The following ADAT1 variants were observed in gnomAD, a reference collection of about 807,000 sequenced individuals.
ADAT1 encodes adenosine deaminase tRNA specific 1, also known as tRNA-specific adenosine deaminase 1.
ADAT1 carries 58 observed loss-of-function variants against 58.6 expected under a neutral mutation model. The ratio of observed to expected loss-of-function variants is 0.99; its 90% CI spans 0.80 to 1.23. The LOEUF is 1.23. ADAT1 is among the 50% of genes most tolerant of loss of function. The pLI, the probability that ADAT1 is intolerant of heterozygous loss-of-function variation, is 0.00. For synonymous variants in ADAT1, 254 were observed against 220.8 expected (o/e 1.15, Z -1.33); for missense variants, 741 against 608.6 (o/e 1.22, Z -2.29).
intron 8 of ADAT1, among the ~76,000 whole-genome samples, chr16:75,605,820 C>T (rs1396124641): frequency 6.6e-6 from 1 of 151,338 alleles, no homozygotes; most frequent in Non-Finnish European, 1.5e-5. Flanking sequence ...GCCTGTAATC[C>T]CAGCTACTCG....
In ADAT1 at chr16:75,623,075, G is replaced by GC. The variant is rs2081982300; in HGVS notation, c.-695dup. On this transcript the variant is annotated 5_prime_UTR_variant, in exon 1 of 10. Coordinates refer to ENST00000564657, the MANE Select transcript of ADAT1 (RefSeq NM_001324445.2). Reference sequence around the variant, plus strand: ...AGGCCCCGCGCCAGGAGCTCTTCAGGCGCCGGCTGCTGACAGTTCCAGGCG... The same window carrying GC: ...AGGCCCCGCGCCAGGAGCTCTTCAGGCCGCCGGCTGCTGACAGTTCCAGGCG... 1 of 144,156 alleles carries GC rather than the reference G, an allele frequency of 6.9e-6. No individual in the cohort carries two copies. Among genetic ancestry groups the GC allele is most frequent in the Admixed American group, 6.9e-5 (1 of 14,392 alleles). The allele number at this position is 144,156 out of a possible 1,614,324, so 8.9% of individuals were successfully genotyped here.
At chr16:75,618,737 T>C in intron 3 of ADAT1, 97 bp from the exon 4 acceptor site, 1 of 1,420,020 alleles carries the variant, frequency 7.0e-7, no homozygotes, top group Non-Finnish European at 9.6e-7. Flanking sequence ...GCACCCAGGA[T>C]GGTCATGTAG....
At chr16:75,613,133 T>G (rs1201868957) in intron 5 of ADAT1, among the ~76,000 whole-genome samples, 1 of 152,180 alleles carries the variant, frequency 6.6e-6, no homozygotes, top group Non-Finnish European at 1.5e-5. Context: ...CACAATTCCC[T>G]AATAAGAATC....
At position 75,612,111 on chromosome 16, in the gene ADAT1, T is replaced by C. The variant is rs1039563091; in HGVS notation, c.1043+132A>G. 1.4e-5 allele frequency: 15 copies of C among 1,087,268 alleles called. No individual in the cohort carries two copies. The African/African-American group carries it at 1.8e-4, about 13-fold the overall frequency. 67.4% of individuals were successfully genotyped at this position (1,087,268 alleles called of 1,614,324 possible). A position where few individuals can be genotyped will look rare whatever the true frequency, so the allele number is the denominator to read the frequency against. ...GCTAAATGTTCAAATACTTTAATTA[T>C]TTCCTTAAGACAAATTCCTGGAAGT... On this transcript the variant is annotated intron_variant, in intron 6 of 9. Transcript: ENST00000564657.
chr16:75,601,945 A>G (rs2081241986), intron 9 of ADAT1: 2 of 152,196 alleles, frequency 1.3e-5, no homozygotes, highest in African/African-American at 4.8e-5. Flanking sequence ...GGTCTTTGTC[A>G]CCAGTTCCCG....
At chr16:75,619,634 G>T (rs2081863901) in intron 3 of ADAT1, 1 of 455,566 alleles carries the variant, frequency 2.2e-6, no homozygotes, top group Non-Finnish European at 4.4e-6. Context: ...TTGCTTACCA[G>T]GTGCGGTGGC....
Position 75,612,388 on chromosome 16 carries a change from T to C in ADAT1, c.898A>G (p.Ser300Gly). The change falls in exon 6 of 10, where the codon AGT becomes GGT. Residue 300 changes from serine to glycine, a missense_variant. Coordinates refer to ENST00000564657, the MANE Select transcript of ADAT1 (RefSeq NM_001324445.2). ...RGDRTRSMSCSDKMARWNVLG... is the reference protein window; with the variant it reads ...RGDRTRSMSCGDKMARWNVLG... The stretch of plus-strand genomic sequence containing the variant: ...ACGTTCCATCGGGCCATCTTGTCAC[T>C]ACAGGACATGGAGCGTGTTCTGTCT... The C allele has an allele frequency of 6.2e-7, 1 of 1,614,258 alleles. No homozygotes were observed. Among genetic ancestry groups the C allele is most frequent in the Non-Finnish European group, 8.5e-7 (1 of 1,180,044 alleles).
At chr16:75,622,077 G>C (rs924087257) in intron 1 of ADAT1, among the ~76,000 whole-genome samples, 1 of 152,230 alleles carries the variant, frequency 6.6e-6, no homozygotes, top group Non-Finnish European at 1.5e-5. Context: ...TTGAACCCGG[G>C]AGGCGGAGGT....
chr16:75,612,971 A>G lies in ADAT1; in HGVS notation c.425-110T>C, dbSNP rs1204443373. On this transcript the variant is annotated intron_variant, in intron 5 of 9. Transcript: ENST00000564657. The stretch of plus-strand genomic sequence containing the variant: ...AGAAATGCAAACTCTTGGGACCCAC[A>G]GTAGACCTGCTGAATCAGAAACTCC... 3.0e-6 allele frequency: 4 copies of G among 1,333,960 alleles called. No homozygotes were observed. In the African/African-American group the frequency reaches 4.4e-5, roughly 15 times the overall value. The allele number at this position is 1,333,960 out of a possible 1,614,324, so 82.6% of individuals were successfully genotyped here. A position where few individuals can be genotyped will look rare whatever the true frequency, so the allele number is the denominator to read the frequency against.
At position 75,608,845 on chromosome 16, in the gene ADAT1, G is replaced by GC. The variant is rs2081438893; in HGVS notation, c.1186dup (p.Ala396GlyfsTer10). ...CAGGTCTAACCTGGATCTCTTACCTGCCCCACAAGGAACAAGTCGACCTGG... is the reference window on the plus strand; with the variant it reads ...CAGGTCTAACCTGGATCTCTTACCTGCCCCCACAAGGAACAAGTCGACCTGG... On this transcript the variant is annotated frameshift_variant, in exon 7 of 10. Transcript: ENST00000564657. LOFTEE classifies it high-confidence loss of function. The GC allele has an allele frequency of 6.2e-7, 1 of 1,613,238 alleles. No individual in the cohort carries two copies. The highest frequency in any genetic ancestry group is 8.5e-7 in the Non-Finnish European group (1 of 1,179,790).
chr16:75,619,220 G>A (rs1174011140), intron 3 of ADAT1, among the ~76,000 whole-genome samples: 1 of 152,100 alleles, frequency 6.6e-6, no homozygotes, highest in Non-Finnish European at 1.5e-5. Flanking sequence ...AGCTAGAAGA[G>A]GTAAAGACCC....
intron 6 of ADAT1, among the ~76,000 whole-genome samples, chr16:75,609,650 A>G (rs1279748909): frequency 6.6e-6 from 1 of 152,114 alleles, no homozygotes; most frequent in Non-Finnish European, 1.5e-5. Flanking sequence ...AATTTTCATC[A>G]CCCCAGAAAG....
intron 2 of ADAT1, 42 bp from the exon 3 acceptor site, chr16:75,620,376 A>G: frequency 3.1e-6 from 5 of 1,604,768 alleles, no homozygotes; most frequent in Non-Finnish European, 4.3e-6. Flanking sequence ...GAGAAACGGA[A>G]TGTTCCCCGG....
chr16:75,619,819 G>C (rs2081873765), intron 3 of ADAT1: 1 of 333,928 alleles, frequency 3.0e-6, no homozygotes, highest in South Asian at 2.2e-5. Flanking sequence ...AACCCAGGAA[G>C]GGGAGGTTGC....
At chr16:75,608,681 C>A (rs951129667) in intron 7 of ADAT1, among the ~76,000 whole-genome samples, 162 bp downstream of exon 7, 1 of 152,162 alleles carries the variant, frequency 6.6e-6, no homozygotes, top group East Asian at 1.9e-4. Context: ...CCGGGGGTCA[C>A]AAGAGCATAA....
chr16:75,618,525 A>T, intron 4 of ADAT1, 61 bp downstream of exon 4: 2 of 1,241,524 alleles, frequency 1.6e-6, no homozygotes, highest in Non-Finnish European at 2.2e-6. Flanking sequence ...AAAAAAAAAA[A>T]GTAAATTCCG....
rs2081082216 is a variant in ADAT1, at chr16:75,596,921, A to G, written c.*3295T>C. ...TAGTAATAAAGTACTGATTCATGCT[A>G]CAACATAAATCTTGAAAACATGTTA... On this transcript the variant is annotated 3_prime_UTR_variant, in exon 10 of 10. Transcript: ENST00000564657. 6.6e-6 allele frequency: 1 copy of G among 152,276 alleles called. No homozygotes were observed. Among genetic ancestry groups the G allele is most frequent in the Non-Finnish European group, 1.5e-5 (1 of 68,116 alleles). The allele number at this position is 152,276 out of a possible 1,614,324, so 9.4% of individuals were successfully genotyped here. A position where few individuals can be genotyped will look rare whatever the true frequency, so the allele number is the denominator to read the frequency against.
chr16:75,618,169 T>A (rs1008238464), intron 4 of ADAT1, among the ~76,000 whole-genome samples: 2 of 150,118 alleles, frequency 1.3e-5, no homozygotes, highest in East Asian at 1.9e-4. Flanking sequence ...AAAAGTGTAG[T>A]TTACAGACTA....
chr16:75,610,471 A>AT (rs1007682279), intron 6 of ADAT1, among the ~76,000 whole-genome samples: 3 of 151,958 alleles, frequency 2.0e-5, no homozygotes, highest in African/African-American at 7.3e-5. Flanking sequence ...TGAGTTTTGT[A>AT]TTTTTTGTAG....
Sources: allele counts gnomAD v4.1 joint callset (sites outside exome capture counted in the v4.1 genomes callset), GRCh38; gene constraint gnomAD v4.1.1; transcripts MANE v1.5; gene names NCBI Gene and HGNC (gene_info 2026-07-23, HGNC 2026-07-21).